Variants in PCDHGA12 observed in about 807,000 individuals in gnomAD.
PCDHGA12 encodes protocadherin gamma subfamily A, 12, also known as protocadherin gamma-A12.
In PCDHGA12, 43 loss-of-function variants were observed where a neutral mutation model predicts 61.1. That is an observed-to-expected ratio of 0.70 (90% CI 0.55 to 0.91). The LOEUF is 0.91. PCDHGA12 is among the 40% of genes least tolerant of loss of function. The pLI is 0.00. For synonymous variants in PCDHGA12, 520 were observed against 542.9 expected (o/e 0.96, Z 0.59); for missense variants, 1,236 against 1,227.7 (o/e 1.01, Z -0.10).
At chr5:141,473,450 T>A (rs2099322542) in intron 1 of PCDHGA12, among the ~76,000 whole-genome samples, 2 of 152,150 alleles carry the variant, frequency 1.3e-5, no homozygotes, top group South Asian at 4.1e-4. Flanking sequence ...AAAATAATTA[T>A]AAAATTTAAA....
intron 2 of PCDHGA12, among the ~76,000 whole-genome samples, chr5:141,503,239 C>G (rs1364808315): frequency 6.6e-6 from 1 of 152,088 alleles, no homozygotes; most frequent in Non-Finnish European, 1.5e-5. Flanking sequence ...TGGACAGTTT[C>G]TATCATACTC....
intron 1 of PCDHGA12, among the ~76,000 whole-genome samples, chr5:141,455,082 G>A (rs1323760148): frequency 1.3e-5 from 2 of 151,932 alleles, no homozygotes; most frequent in African/African-American, 2.4e-5. Context: ...AAAGTGCTGG[G>A]ATTACAGGCT....
Position 141,491,019 on chromosome 5 carries a change from A to G in PCDHGA12, c.2425-3788A>G. 5 of 1,614,116 alleles carry G rather than the reference A, an allele frequency of 3.1e-6. No individual in the cohort carries two copies. The highest frequency in any genetic ancestry group is 4.2e-6 in the Non-Finnish European group (5 of 1,180,026). ...CTGGCTCCTTGGTCACCAAGGTGAC[A>G]GCCGTGGATGCTGATGCAGGCCACA... On this transcript the variant is annotated intron_variant, in intron 1 of 3. Coordinates refer to ENST00000252085, the MANE Select transcript of PCDHGA12 (RefSeq NM_003735.3). This position sits in a 1 kb window ranked among gnomAD's most constrained non-coding sequence, Gnocchi z 6.9.
intron 1 of PCDHGA12, among the ~76,000 whole-genome samples, chr5:141,456,073 A>G (rs1490650582): frequency 2.6e-5 from 4 of 151,252 alleles, no homozygotes; most frequent in Non-Finnish European, 5.9e-5. Flanking sequence ...AATTTTTTGT[A>G]TTTTCAGTAG....
At chr5:141,474,745 C>T (rs935430941) in intron 1 of PCDHGA12, among the ~76,000 whole-genome samples, 2 of 152,174 alleles carry the variant, frequency 1.3e-5, no homozygotes, top group East Asian at 3.9e-4. Context: ...AAGTGATGTC[C>T]AAGACAAATA....
rs1298448753 is a variant in PCDHGA12 at position 141,486,417 on chromosome 5, G to A, written c.2425-8390G>A. 1 of 1,614,132 alleles carries A rather than the reference G, an allele frequency of 6.2e-7. No individual in the cohort carries two copies. Among genetic ancestry groups the A allele is most frequent in the Non-Finnish European group, 8.5e-7 (1 of 1,179,998 alleles). ...CTGGTGACTGCTGGACCCTTGGATC[G>A]AGAGGCCAAATCTAGCTATGACATC... On this transcript the variant is annotated intron_variant, in intron 1 of 3. Transcript: ENST00000252085. The surrounding 1 kb of genome is among the most constrained non-coding windows in gnomAD (Gnocchi z 5.0).
chr5:141,480,887 A>T (rs2099527301), intron 1 of PCDHGA12, among the ~76,000 whole-genome samples: 1 of 152,146 alleles, frequency 6.6e-6, no homozygotes. Flanking sequence ...TCTACTAAAA[A>T]TGCAAACATT....
chr5:141,430,686 C>G lies in PCDHGA12; in HGVS notation c.-74C>G. 1 of 1,397,218 alleles carries G rather than the reference C, an allele frequency of 7.2e-7. No homozygotes were observed. The highest frequency in any genetic ancestry group is 9.5e-7 in the Non-Finnish European group (1 of 1,048,210). 86.6% of individuals were successfully genotyped at this position (1,397,218 alleles called of 1,614,324 possible). ...GCTCTGACTTCCCAACTGTCCCATT[C>G]TATGGGCGAAGGAACTGCTCCTGAC... On this transcript the variant is annotated 5_prime_UTR_variant, in exon 1 of 4. Transcript: ENST00000252085.
At position 141,460,491 on chromosome 5, in the gene PCDHGA12, A is replaced by G. The variant is rs544539917; in HGVS notation, c.2424+27308A>G. Among the ~76,000 whole-genome samples, 240 of 152,272 alleles carry G rather than the reference A, an allele frequency of 1.6e-3. 1 individual carries two copies. Among genetic ancestry groups the G allele is most frequent in the Non-Finnish European group, 2.6e-3 (177 of 68,014 alleles). On this transcript the variant is annotated intron_variant, in intron 1 of 3. Transcript: ENST00000252085. ...AAGGAATATCCAATTGTCTCTTTGG[A>G]AAAATATGCTGAGAAGGCTATCTTT...
Position 141,489,560 on chromosome 5 carries a change from A to G in PCDHGA12, c.2425-5247A>G. On this transcript the variant is annotated intron_variant, in intron 1 of 3. Coordinates refer to ENST00000252085, the MANE Select transcript of PCDHGA12 (RefSeq NM_003735.3). The surrounding 1 kb of genome is among the most constrained non-coding windows in gnomAD (Gnocchi z 4.5). Reference sequence around the variant, plus strand: ...AGCACCAGCTGCCTGCTGCCAGTGCAGGTGGTGACTGAACACCCCCTGGAG... The same window carrying G: ...AGCACCAGCTGCCTGCTGCCAGTGCGGGTGGTGACTGAACACCCCCTGGAG... 1.2e-6 allele frequency: 2 copies of G among 1,614,142 alleles called. No homozygotes were observed. The highest frequency in any genetic ancestry group is 1.7e-6 in the Non-Finnish European group (2 of 1,180,030).
intron 2 of PCDHGA12, among the ~76,000 whole-genome samples, chr5:141,499,015 AG>A (rs2099788530): frequency 6.6e-6 from 1 of 151,284 alleles, no homozygotes; most frequent in Non-Finnish European, 1.5e-5. Context: ...GAAGGAAGGA[AG>A]GAAGGAAGGA....
At chr5:141,450,810 AT>A (rs755484062) in intron 1 of PCDHGA12, among the ~76,000 whole-genome samples, 1 of 136,728 alleles carries the variant, frequency 7.3e-6, no homozygotes, top group Admixed American at 7.3e-5. Context: ...TTATTTATTT[AT>A]TTAATATTAT....
rs545232987 is a variant in PCDHGA12 at position 141,484,750 on chromosome 5, G to GTA, written c.2425-10043_2425-10042dup. 2.3e-3 allele frequency among the ~76,000 whole-genome samples: 340 copies of GTA among 149,860 alleles called. 1 individual carries two copies. Among genetic ancestry groups the GTA allele is most frequent in the South Asian group, 1.0e-2 (47 of 4,704 alleles). On this transcript the variant is annotated intron_variant, in intron 1 of 3. Coordinates refer to ENST00000252085, the MANE Select transcript of PCDHGA12 (RefSeq NM_003735.3). ...CAGTCGGTGTGTTAGGAAAAAAAAT[G>GTA]TATATATATATATATGTTGTCTGCC...
chr5:141,461,072 A>G (rs555905734), intron 1 of PCDHGA12, among the ~76,000 whole-genome samples: 2 of 151,574 alleles, frequency 1.3e-5, no homozygotes, highest in Non-Finnish European at 2.9e-5. Flanking sequence ...ACATTTTTGC[A>G]ATTGTGAATT....
chr5:141,459,976 G>A (rs1013971472), intron 1 of PCDHGA12, among the ~76,000 whole-genome samples: 1 of 152,202 alleles, frequency 6.6e-6, no homozygotes, highest in Non-Finnish European at 1.5e-5. Flanking sequence ...TACTCAGGAG[G>A]CTGAGACAGG....
intron 1 of PCDHGA12, chr5:141,478,355 G>A: frequency 6.2e-7 from 1 of 1,613,742 alleles, no homozygotes; most frequent in Non-Finnish European, 8.5e-7. Context: ...CGCGGACGCC[G>A]TGCGGGGAGG....
rs1488305057 is a variant in PCDHGA12, at chr5:141,477,736, C to G, written c.2425-17071C>G. 6.2e-7 allele frequency: 1 copy of G among 1,613,790 alleles called. No homozygotes were observed. The highest frequency in any genetic ancestry group is 1.1e-5 in the South Asian group (1 of 91,088). On this transcript the variant is annotated intron_variant, in intron 1 of 3. Coordinates refer to ENST00000252085, the MANE Select transcript of PCDHGA12 (RefSeq NM_003735.3). This position sits in a 1 kb window ranked among gnomAD's most constrained non-coding sequence, Gnocchi z 4.9. ...AATTTGAATTAACAGCTCATATCAG[C>G]GATGGGGGCACCCCGGTCCTAGCCA...
intron 1 of PCDHGA12, among the ~76,000 whole-genome samples, chr5:141,455,286 T>G (rs889792228): frequency 6.6e-6 from 1 of 152,176 alleles, no homozygotes; most frequent in African/African-American, 2.4e-5. Flanking sequence ...AACATCACTT[T>G]ACATAGTTTC....
At position 141,431,906 on chromosome 5, in the gene PCDHGA12, A is replaced by G; in HGVS notation, c.1147A>G (p.Ile383Val). 1 of 1,613,868 alleles carries G rather than the reference A, an allele frequency of 6.2e-7. No individual in the cohort carries two copies. Among genetic ancestry groups the G allele is most frequent in the Non-Finnish European group, 8.5e-7 (1 of 1,179,692 alleles). The change falls in exon 1 of 4, where the codon ATC (isoleucine) becomes GTC (valine). Residue 383 changes from isoleucine to valine, a missense_variant. By Grantham distance (29) the Ile-to-Val change is conservative. Transcript: ENST00000252085. This position sits in a 1 kb window ranked among gnomAD's most constrained non-coding sequence, Gnocchi z 4.8. ...DQDSEENGQV[I>V]CFIQGNLPFK... is the part of the protein sequence containing the mutation. ...AGATTCTGAGGAAAACGGACAGGTG[A>G]TCTGTTTCATCCAAGGAAATCTGCC...
Sources: allele counts gnomAD v4.1 joint callset (sites outside exome capture counted in the v4.1 genomes callset), GRCh38; gene constraint gnomAD v4.1.1; non-coding constraint Gnocchi (gnomAD v3.1); transcripts MANE v1.5; gene names NCBI Gene and HGNC (gene_info 2026-07-23, HGNC 2026-07-21).